The following SMARCA4 variants were observed in gnomAD, a reference collection of about 807,000 sequenced individuals.
SMARCA4 encodes SWI/SNF related BAF chromatin remodeling complex subunit ATPase 4.
A neutral mutation model predicts 193.9 loss-of-function variants in SMARCA4; 31 were observed. The ratio of observed to expected loss-of-function variants is 0.16; its 90% CI spans 0.12 to 0.22. The LOEUF (loss-of-function observed/expected upper bound fraction) is 0.22, where lower values mean the gene tolerates loss of function less well. Among genes scored for constraint, SMARCA4 ranks in the 10% least tolerant of loss-of-function variants. SMARCA4 has a pLI of 1.00. For missense variants in SMARCA4, 1,148 were observed against 2,296.0 expected (o/e 0.50, Z 10.22); for synonymous variants, 942 against 933.1 (o/e 1.01, Z -0.17).
At chr19:10,994,797 G>T (rs2145935353) in intron 8 of SMARCA4, 31 bp from the exon 9 acceptor site, 1 of 1,603,570 alleles carries the variant, frequency 6.2e-7, no homozygotes, top group South Asian at 1.1e-5. Context: ...GCTGCTGAAG[G>T]GTCAGCCTTC....
intron 11 of SMARCA4, among the ~76,000 whole-genome samples, chr19:10,998,518 T>C (rs1456836495): frequency 7.3e-5 from 11 of 151,660 alleles, no homozygotes; most frequent in Non-Finnish European, 1.3e-4. Flanking sequence ...TTTTTTTTTT[T>C]GCCTGTATCA....
intron 7 of SMARCA4, among the ~76,000 whole-genome samples, chr19:10,990,854 C>G (rs1405204886): frequency 6.6e-6 from 1 of 152,256 alleles, no homozygotes; most frequent in Non-Finnish European, 1.5e-5. Context: ...GCCACCACAC[C>G]CAGCCAAGAG....
intron 11 of SMARCA4, 118 bp downstream of exon 11, chr19:10,996,662 G>T: frequency 1.0e-6 from 1 of 993,604 alleles, no homozygotes. Context: ...ATGATGGTGA[G>T]AATCCCAGGG....
intron 21 of SMARCA4, 125 bp downstream of exon 21, chr19:11,024,563 C>A (rs542290052): frequency 1.4e-6 from 1 of 717,948 alleles, no homozygotes; most frequent in Non-Finnish European, 2.5e-6. Context: ...GGGCATCTGG[C>A]CAGCCCTGGT....
chr19:11,041,693 C>A lies in SMARCA4; in HGVS notation c.4424+133C>A. 3.9e-6 allele frequency: 3 copies of A among 763,536 alleles called. No homozygotes were observed. Among genetic ancestry groups the A allele is most frequent in the Non-Finnish European group, 6.3e-6 (3 of 473,260 alleles). The allele number at this position is 763,536 out of a possible 1,614,324, so 47.3% of individuals were successfully genotyped here. On this transcript the variant is annotated intron_variant, in intron 30 of 34. Transcript: ENST00000344626. The surrounding 1 kb of genome is among the most constrained non-coding windows in gnomAD (Gnocchi z 5.6). ...ACTCATCCACAAACACTGACTGAAT[C>A]TCTGTGTCTTTGAGCCTGGCCCTGA... is the stretch of plus-strand genomic sequence containing the variant.
intron 34 of SMARCA4, chr19:11,060,456 A>T: frequency 1.8e-6 from 1 of 567,490 alleles, no homozygotes. Flanking sequence ...CAGGACAGGC[A>T]GCAGGCGGTC....
intron 24 of SMARCA4, among the ~76,000 whole-genome samples, chr19:11,029,545 G>A (rs952155525): frequency 6.6e-6 from 1 of 152,238 alleles, no homozygotes; most frequent in Non-Finnish European, 1.5e-5. Flanking sequence ...CCCCTCCTCC[G>A]AGCTGGAGTA....
In SMARCA4 at chr19:11,030,696, C is replaced by T. The variant is rs990835121; in HGVS notation, c.3383-34C>T. 2 of 1,597,564 alleles carry T rather than the reference C, an allele frequency of 1.3e-6. No individual in the cohort carries two copies. The highest frequency in any genetic ancestry group is 1.7e-6 in the Non-Finnish European group (2 of 1,171,702). ...TGTCCCCACTCTACCCCTGAGGTCA[C>T]CCCGCTGACCCTGTTCTCCTCTGTG... is the stretch of plus-strand genomic sequence containing the variant. On this transcript the variant is annotated intron_variant, in intron 24 of 34. Transcript: ENST00000344626. The surrounding 1 kb of genome is among the most constrained non-coding windows in gnomAD (Gnocchi z 5.5).
chr19:10,986,741 G>A lies in SMARCA4; in HGVS notation c.760+148G>A, dbSNP rs1010320996. On this transcript the variant is annotated intron_variant, in intron 4 of 34. Coordinates refer to ENST00000344626, the MANE Select transcript of SMARCA4 (RefSeq NM_003072.5). This position sits in a 1 kb window ranked among gnomAD's most constrained non-coding sequence, Gnocchi z 6.7. ...TACTGCACTTCTGGGTGCTCGGGTGGTGGGGGCAGCTAAATGCTGCTTCCC... is the reference window on the plus strand; with the variant it reads ...TACTGCACTTCTGGGTGCTCGGGTGATGGGGGCAGCTAAATGCTGCTTCCC... 1 of 1,328,742 alleles carries A rather than the reference G, an allele frequency of 7.5e-7. No individual in the cohort carries two copies. Among genetic ancestry groups the A allele is most frequent in the Admixed American group, 2.0e-5 (1 of 50,294 alleles). The allele number at this position is 1,328,742 out of a possible 1,614,324, so 82.3% of individuals were successfully genotyped here. A position where few individuals can be genotyped will look rare whatever the true frequency, so the allele number is the denominator to read the frequency against.
intron 6 of SMARCA4, among the ~76,000 whole-genome samples, 188 bp from the exon 7 acceptor site, chr19:10,989,129 G>C (rs1055219806): frequency 6.6e-6 from 1 of 152,180 alleles, no homozygotes; most frequent in Admixed American, 6.5e-5. Flanking sequence ...CCTGAGGCCC[G>C]GTCCTGAGGA....
intron 1 of SMARCA4, among the ~76,000 whole-genome samples, chr19:10,963,649 C>T (rs1247646425): frequency 6.6e-6 from 1 of 152,148 alleles, no homozygotes; most frequent in East Asian, 1.9e-4. Context: ...GGGCCCCCCA[C>T]TTGTGAAACA....
At chr19:11,004,309 G>A (rs577671740) in intron 13 of SMARCA4, among the ~76,000 whole-genome samples, 1 of 150,560 alleles carries the variant, frequency 6.6e-6, no homozygotes, top group Non-Finnish European at 1.5e-5. Context: ...GAGTGCAGTG[G>A]CGCGATCTCG....
At chr19:11,037,790 T>A (rs1395714050) in intron 29 of SMARCA4, among the ~76,000 whole-genome samples, 1 of 152,176 alleles carries the variant, frequency 6.6e-6, no homozygotes, top group Non-Finnish European at 1.5e-5. Flanking sequence ...AGATCCATTT[T>A]GAGTTAAATT....
chr19:11,055,924 C>T (rs547960480), intron 30 of SMARCA4, among the ~76,000 whole-genome samples: 10 of 151,848 alleles, frequency 6.6e-5, no homozygotes, highest in Non-Finnish European at 8.8e-5. Flanking sequence ...TGGCAAAGCG[C>T]GCTGCTTTTC....
Position 11,033,349 on chromosome 19 carries a change from C to T in SMARCA4, c.3606C>T (p.Leu1202=), listed in dbSNP as rs1293459125. The change falls in exon 26 of 35, where the codon CTC becomes CTT. Residue 1202 remains leucine, a synonymous_variant. Coordinates refer to ENST00000344626, the MANE Select transcript of SMARCA4 (RefSeq NM_003072.5). This position sits in a 1 kb window ranked among gnomAD's most constrained non-coding sequence, Gnocchi z 9.8. ...GGCAGCAGAACGAGGTGCGTGTGCTCCGCCTCTGCACCGTCAACAGCGTGG... is the reference window on the plus strand; with the variant it reads ...GGCAGCAGAACGAGGTGCGTGTGCTTCGCCTCTGCACCGTCAACAGCGTGG... The part of the protein sequence containing the change: ...RIGQQNEVRV[L]RLCTVNSVEE... 6.2e-7 allele frequency: 1 copy of T among 1,613,230 alleles called. No homozygotes were observed. Among genetic ancestry groups the T allele is most frequent in the Non-Finnish European group, 8.5e-7 (1 of 1,180,022 alleles).
At chr19:11,057,379 G>A (rs115622912) in intron 30 of SMARCA4, among the ~76,000 whole-genome samples, 126 of 152,348 alleles carry the variant, frequency 8.3e-4, no homozygotes, top group African/African-American at 3.0e-3. Context: ...GCACAAGGGC[G>A]CTTCCTGTGG....
At chr19:10,999,720 T>TA (rs1461269564) in intron 11 of SMARCA4, among the ~76,000 whole-genome samples, 1 of 152,190 alleles carries the variant, frequency 6.6e-6, no homozygotes, top group African/African-American at 2.4e-5. Flanking sequence ...AGCACAGGGT[T>TA]AATTTTTATC....
chr19:10,966,511 C>T (rs908680522), intron 1 of SMARCA4, among the ~76,000 whole-genome samples: 1 of 151,866 alleles, frequency 6.6e-6, no homozygotes, highest in African/African-American at 2.4e-5. Context: ...AGGATCAAGC[C>T]GAGGAGGTGG....
In SMARCA4 at chr19:10,996,538, T is replaced by A. The variant is rs2145981651; in HGVS notation, c.1806T>A (p.Asp602Glu). ...GACAGACGCCTGCCATTGGGCCGGA[T>A]GGCGAGGTGAGGAAGCAGGGTTTCT... is the stretch of plus-strand genomic sequence containing the variant. ...AEGQTPAIGP[D>E]GEPLDETSQM... The change falls in exon 11 of 35, where the codon GAT becomes GAA. Residue 602 changes from aspartate (D) to glutamate (E), a missense_variant. Asp to Glu is a conservative substitution (Grantham distance 45). Transcript: ENST00000344626. 1 of 1,614,186 alleles carries A rather than the reference T, an allele frequency of 6.2e-7. No individual in the cohort carries two copies. Among genetic ancestry groups the A allele is most frequent in the Non-Finnish European group, 8.5e-7 (1 of 1,179,994 alleles).
Sources: gnomAD v4.1 joint callset for allele counts (sites outside exome capture counted in the v4.1 genomes callset) on GRCh38, gnomAD v4.1.1 for gene constraint, Gnocchi (gnomAD v3.1) non-coding constraint, MANE v1.5 for transcripts, NCBI Gene and HGNC (gene_info 2026-07-23, HGNC 2026-07-21) for gene names.